The following CNTNAP2 variants were observed in gnomAD, a reference collection of about 807,000 sequenced individuals.
CNTNAP2 encodes contactin associated protein 2.
Under a neutral mutation model 155.2 loss-of-function variants are expected in CNTNAP2, and 98 were observed. The observed-to-expected ratio is 0.63, with a 90% CI of 0.54 to 0.75. The LOEUF is 0.75. Ranked by LOEUF, CNTNAP2 falls within the 30% of genes least tolerant of loss-of-function variation. The pLI is 0.00. For missense variants in CNTNAP2, 1,727 were observed against 1,688.1 expected, an observed-to-expected ratio of 1.02 and a Z score of -0.40; for synonymous variants, 651 against 631.2, an observed-to-expected ratio of 1.03 and a Z score of -0.47.
chr7:146,386,460 C>T (rs1015038116), intron 1 of CNTNAP2, among the ~76,000 whole-genome samples: 1 of 152,194 alleles, frequency 6.6e-6, no homozygotes, highest in African/African-American at 2.4e-5. Context: ...ATGATCTTGG[C>T]TCACTGAAAC....
chr7:147,363,015 T>A (rs998261273), intron 9 of CNTNAP2, among the ~76,000 whole-genome samples: 3 of 152,204 alleles, frequency 2.0e-5, no homozygotes, highest in Non-Finnish European at 4.4e-5. Context: ...GATCCATGAA[T>A]TTGAGGTACA....
At chr7:147,417,261 C>T (rs552228936) in intron 10 of CNTNAP2, among the ~76,000 whole-genome samples, 37 of 152,220 alleles carry the variant, frequency 2.4e-4, no homozygotes, top group East Asian at 5.8e-4. Context: ...AGCTCATAAA[C>T]GATAGAAATT....
chr7:148,239,347 G>T (rs1406536550), intron 20 of CNTNAP2, among the ~76,000 whole-genome samples: 1 of 152,168 alleles, frequency 6.6e-6, no homozygotes, highest in Non-Finnish European at 1.5e-5. Flanking sequence ...TATTTTATTA[G>T]TTTCTGATAG....
intron 15 of CNTNAP2, among the ~76,000 whole-genome samples, chr7:148,090,964 A>G (rs1803828691): frequency 6.6e-6 from 1 of 152,168 alleles, no homozygotes; most frequent in African/African-American, 2.4e-5. Flanking sequence ...CATAAAATAA[A>G]CTAGGCACAA....
Position 147,395,640 on chromosome 7 carries a change from C to T in CNTNAP2, c.1530C>T (p.His510=), listed in dbSNP as rs747481482. The change falls in exon 10 of 24, where the codon CAC becomes CAT. Residue 510 remains histidine (H), a synonymous_variant. Coordinates refer to ENST00000361727, the MANE Select transcript of CNTNAP2 (RefSeq NM_014141.6). Reference sequence around the variant, plus strand: ...TGAACCAGATGAATAACTCAAGTCACTCTGTCCTTCAGCCTTCATTCCAAG... The same window carrying T: ...TGAACCAGATGAATAACTCAAGTCATTCTGTCCTTCAGCCTTCATTCCAAG... ...GFLNQMNNSS[H]SVLQPSFQGC... is the part of the protein sequence containing the mutation. 2 of 1,612,358 alleles carry T rather than the reference C, an allele frequency of 1.2e-6. No homozygotes were observed. Among genetic ancestry groups the T allele is most frequent in the South Asian group, 1.1e-5 (1 of 91,058 alleles).
chr7:146,884,679 G>A (rs924023326), intron 3 of CNTNAP2, among the ~76,000 whole-genome samples: 11 of 152,100 alleles, frequency 7.2e-5, no homozygotes, highest in African/African-American at 2.7e-4. Flanking sequence ...AGCATAAGTA[G>A]AGTGCAACAG....
chr7:147,733,445 A>G (rs557900823), intron 13 of CNTNAP2, among the ~76,000 whole-genome samples: 1 of 152,346 alleles, frequency 6.6e-6, no homozygotes, highest in South Asian at 2.1e-4. Flanking sequence ...GTTTGAAGTC[A>G]GGTAGCATGA....
intron 21 of CNTNAP2, among the ~76,000 whole-genome samples, chr7:148,300,095 G>A (rs1422190379): frequency 1.3e-5 from 2 of 152,196 alleles, no homozygotes; most frequent in Admixed American, 1.3e-4. Context: ...TATGGAAATG[G>A]AAAAGGGAAA....
At chr7:146,496,708 A>G (rs56069299) in intron 1 of CNTNAP2, among the ~76,000 whole-genome samples, 3,259 of 152,276 alleles carry the variant, frequency 0.021, 106 homozygotes, top group African/African-American at 0.074. Context: ...CATGTCTACC[A>G]GGCTGTTTGT....
chr7:147,271,044 G>A (rs1424656972), intron 8 of CNTNAP2, among the ~76,000 whole-genome samples: 2 of 151,732 alleles, frequency 1.3e-5, no homozygotes, highest in African/African-American at 2.4e-5. Flanking sequence ...AGAAAATCTT[G>A]TATCTCTACC....
rs117030794 is a variant in CNTNAP2, at chr7:147,896,617, C to G, written c.2099-6948C>G. Among the ~76,000 whole-genome samples the G allele has an allele frequency of 7.3e-3, 1,112 of 152,136 alleles. 7 individuals are homozygous for G. Among genetic ancestry groups the G allele is most frequent in the Non-Finnish European group, 0.012 (816 of 68,008 alleles). On this transcript the variant is annotated intron_variant, in intron 13 of 23. Coordinates refer to ENST00000361727, the MANE Select transcript of CNTNAP2 (RefSeq NM_014141.6). ...CAGTCAGTTCCTGGATGGGAGGCAC[C>G]AGATCAGATGAGCCAGTTTATTGAT...
At chr7:147,775,366 T>TATATATATATTTATATATATTTATAA (rs1563084699) in intron 13 of CNTNAP2, among the ~76,000 whole-genome samples, 9 of 34,956 alleles carry the variant, frequency 2.6e-4, no homozygotes, top group Non-Finnish European at 3.4e-4. Context: ...TATTTATAAA[T>TATATATATATTTATATATATTTATAA]ATATATATAT....
intron 8 of CNTNAP2, among the ~76,000 whole-genome samples, chr7:147,197,217 G>A (rs1225294741): frequency 6.6e-6 from 1 of 151,938 alleles, no homozygotes; most frequent in African/African-American, 2.4e-5. Flanking sequence ...AGTTGCACAG[G>A]CCACTACTTC....
At chr7:146,978,933 C>A (rs1563029729) in intron 3 of CNTNAP2, among the ~76,000 whole-genome samples, 2 of 152,014 alleles carry the variant, frequency 1.3e-5, no homozygotes, top group East Asian at 1.9e-4. Context: ...AAACACAGAG[C>A]ACTTTTAAAA....
At chr7:147,407,172 A>G (rs908544323) in intron 10 of CNTNAP2, among the ~76,000 whole-genome samples, 3 of 152,138 alleles carry the variant, frequency 2.0e-5, no homozygotes, top group African/African-American at 4.8e-5. Context: ...TAAGTTAGAA[A>G]TACCATACAC....
chr7:147,463,166 G>C (rs540845122), intron 10 of CNTNAP2, among the ~76,000 whole-genome samples: 11 of 152,278 alleles, frequency 7.2e-5, no homozygotes, highest in African/African-American at 2.6e-4. Context: ...GTGTGAAGAA[G>C]GCTAGAAGGC....
intron 13 of CNTNAP2, among the ~76,000 whole-genome samples, chr7:147,832,301 A>G (rs1472748949): frequency 1.4e-5 from 2 of 146,354 alleles, no homozygotes; most frequent in East Asian, 3.9e-4. Flanking sequence ...GTTTTTATAT[A>G]TTTATTATAT....
intron 13 of CNTNAP2, chr7:147,671,963 A>G (rs1388972483): frequency 6.6e-6 from 1 of 152,256 alleles, no homozygotes; most frequent in Non-Finnish European, 1.5e-5. Flanking sequence ...GCCCTAAGGG[A>G]TTCCGTATCT....
At chr7:146,809,001 T>C (rs1295184834) in intron 2 of CNTNAP2, among the ~76,000 whole-genome samples, 2 of 152,232 alleles carry the variant, frequency 1.3e-5, no homozygotes, top group African/African-American at 4.8e-5. Context: ...ATATCTTGGC[T>C]ATTGGGAATA....
Sources: gnomAD v4.1 joint callset for allele counts (sites outside exome capture counted in the v4.1 genomes callset) on GRCh38, gnomAD v4.1.1 for gene constraint, MANE v1.5 for transcripts, NCBI Gene and HGNC (gene_info 2026-07-23, HGNC 2026-07-21) for gene names.